Variants in SEC24B observed in about 807,000 individuals in gnomAD.
The protein encoded by SEC24B is protein transport protein Sec24B.
In SEC24B, 45 loss-of-function variants were observed where a neutral mutation model predicts 142.8. The ratio of observed to expected loss-of-function variants is 0.32; its 90% CI spans 0.25 to 0.40. The LOEUF (loss-of-function observed/expected upper bound fraction) is 0.40, where lower values mean the gene tolerates loss of function less well. Ranked by LOEUF, SEC24B falls within the 10% of genes least tolerant of loss-of-function variation. The pLI, the probability that SEC24B is intolerant of heterozygous loss-of-function variation, is 1.00. For synonymous variants in SEC24B, 574 were observed against 568.2 expected (o/e 1.01, Z -0.15); for missense variants, 1,409 against 1,526.8 (o/e 0.92, Z 1.29).
chr4:109,491,315 T>G lies in SEC24B; in HGVS notation c.1166-12T>G. The G allele has an allele frequency of 6.2e-7, 1 of 1,604,720 alleles. No individual in the cohort carries two copies. Among genetic ancestry groups the G allele is most frequent in the African/African-American group, 1.3e-5 (1 of 74,798 alleles). On this transcript the variant is annotated splice_polypyrimidine_tract_variant and intron_variant, in intron 4 of 23. Coordinates refer to ENST00000265175, the MANE Select transcript of SEC24B (RefSeq NM_006323.5). ...ATTTTAAACCTAGTAGATATTTTGG[T>G]TTTCCTTTTAGGTGTTGACAGCTCT...
At chr4:109,505,334 G>A (rs975207107) in intron 6 of SEC24B, among the ~76,000 whole-genome samples, 7 of 152,058 alleles carry the variant, frequency 4.6e-5, no homozygotes, top group African/African-American at 1.4e-4. Flanking sequence ...GGGATATAAC[G>A]TAAGGACAAA....
At chr4:109,525,753 A>AT (rs1306019846) in intron 16 of SEC24B, among the ~76,000 whole-genome samples, 1 of 152,116 alleles carries the variant, frequency 6.6e-6, no homozygotes, top group African/African-American at 2.4e-5. Flanking sequence ...ATTAGAAATG[A>AT]TTTTAGAAGG....
Position 109,506,508 on chromosome 4 carries a change from C to G in SEC24B, c.1669C>G (p.Pro557Ala). 1 of 1,523,630 alleles carries G rather than the reference C, an allele frequency of 6.6e-7. No individual in the cohort carries two copies. Among genetic ancestry groups the G allele is most frequent in the Non-Finnish European group, 8.8e-7 (1 of 1,137,440 alleles). 94.4% of individuals were successfully genotyped at this position (1,523,630 alleles called of 1,614,324 possible). The part of the protein sequence containing the change: ...NADLKKLNCS[P>A]DSFRCTLTNI... The stretch of plus-strand genomic sequence containing the variant: ...AGACCTCAAAAAATTAAACTGTAGC[C>G]CAGAGTAGGTATTTATTTATTTTAT... Residue 557 changes from proline (P) to alanine (A), a missense_variant, in exon 7 of 24, where the codon CCA (proline) becomes GCA (alanine). Around this residue, in one of 2 missense-constraint regions of SEC24B, gnomAD observed 700 missense variants for 853.3 expected, o/e 0.82. Coordinates refer to ENST00000265175, the MANE Select transcript of SEC24B (RefSeq NM_006323.5).
chr4:109,531,647 G>A lies in SEC24B; in HGVS notation c.3390+125G>A, dbSNP rs560464323. On this transcript the variant is annotated intron_variant, in intron 20 of 23. Coordinates refer to ENST00000265175, the MANE Select transcript of SEC24B (RefSeq NM_006323.5). ...TTAACTCTTTTTCCCCCTTGTGGTA[G>A]TAATACATTAAATAAGGACACTGGC... 15 of 649,316 alleles carry A rather than the reference G, an allele frequency of 2.3e-5. No homozygotes were observed. The South Asian group carries it at 3.2e-4, about 14-fold the overall frequency. The allele number at this position is 649,316 out of a possible 1,614,324, so 40.2% of individuals were successfully genotyped here. A position where few individuals can be genotyped will look rare whatever the true frequency, so the allele number is the denominator to read the frequency against.
chr4:109,483,442 G>A (rs1435178734), intron 4 of SEC24B, among the ~76,000 whole-genome samples: 1 of 152,040 alleles, frequency 6.6e-6, no homozygotes, highest in Non-Finnish European at 1.5e-5. Context: ...TGTCATATGA[G>A]GTCAGGTGTG....
At chr4:109,509,864 TAATC>T in intron 7 of SEC24B, 141 bp from the exon 8 acceptor site, 1 of 503,646 alleles carries the variant, frequency 2.0e-6, no homozygotes, top group Non-Finnish European at 3.5e-6. Context: ...CATGCCTAAT[TAATC>T]AGGACCTTCT....
At position 109,539,917 on chromosome 4, in the gene SEC24B, A is replaced by G; in HGVS notation, c.*242A>G. On this transcript the variant is annotated 3_prime_UTR_variant, in exon 24 of 24. Coordinates refer to ENST00000265175, the MANE Select transcript of SEC24B (RefSeq NM_006323.5). ...GTATATTTTGAATTGGTTTCTACAC[A>G]TTTCCAGTAGTATGGCAGTACAGTG... The G allele has an allele frequency of 2.2e-6, 1 of 458,412 alleles. No homozygotes were observed. Among genetic ancestry groups the G allele is most frequent in the Non-Finnish European group, 3.9e-6 (1 of 259,212 alleles). The allele number at this position is 458,412 out of a possible 1,614,324, so 28.4% of individuals were successfully genotyped here.
chr4:109,474,612 A>T (rs775259669), intron 3 of SEC24B, among the ~76,000 whole-genome samples: 1 of 151,828 alleles, frequency 6.6e-6, no homozygotes, highest in East Asian at 1.9e-4. Flanking sequence ...TTTGGTGGAG[A>T]TGGGGTTTTA....
rs186954838 is a variant in SEC24B at position 109,437,898 on chromosome 4, C to A, written c.133+3896C>A. Among the ~76,000 whole-genome samples, 640 of 152,298 alleles carry A rather than the reference C, an allele frequency of 4.2e-3. 2 individuals carry two copies. The highest frequency in any genetic ancestry group is 6.4e-3 in the Non-Finnish European group (435 of 68,020). ...TCGGCCTCCCAGAGTGCTCGGATTACAGACGTGAGCCACCGTGCCTGGCCC... is the reference window on the plus strand; with the variant it reads ...TCGGCCTCCCAGAGTGCTCGGATTAAAGACGTGAGCCACCGTGCCTGGCCC... On this transcript the variant is annotated intron_variant, in intron 1 of 23. Transcript: ENST00000265175.
At chr4:109,525,140 A>AT (rs1724078285) in intron 15 of SEC24B, among the ~76,000 whole-genome samples, 199 bp downstream of exon 15, 1 of 152,124 alleles carries the variant, frequency 6.6e-6, no homozygotes, top group South Asian at 2.1e-4. Context: ...TTTAGATAGC[A>AT]TGATTCCCTT....
intron 11 of SEC24B, among the ~76,000 whole-genome samples, chr4:109,518,274 A>G (rs879634067): frequency 2.0e-5 from 3 of 152,138 alleles, no homozygotes; most frequent in Non-Finnish European, 2.9e-5. Flanking sequence ...CCCCTCATCT[A>G]GCTTTAAAAA....
chr4:109,473,046 C>G lies in SEC24B; in HGVS notation c.920C>G (p.Pro307Arg). 1 of 1,590,836 alleles carries G rather than the reference C, an allele frequency of 6.3e-7. No homozygotes were observed. The highest frequency in any genetic ancestry group is 8.6e-7 in the Non-Finnish European group (1 of 1,169,366). ...TGTCCTGTTATGCAAAATGTTCAGC[C>G]TCCCAAGTCCAGCCCAGTGGTATCC... ...LSCPVMQNVQPPKSSPVVSTV... is the reference protein window; with the variant it reads ...LSCPVMQNVQRPKSSPVVSTV... The change falls in exon 3 of 24, where the codon CCT (proline) becomes CGT (arginine). Residue 307 changes from proline to arginine, a missense_variant. By Grantham distance (103) the Pro-to-Arg change is moderately radical. Transcript: ENST00000265175.
intron 9 of SEC24B, among the ~76,000 whole-genome samples, 167 bp from the exon 10 acceptor site, chr4:109,513,580 C>A (rs1172531912): frequency 6.6e-6 from 1 of 152,198 alleles, no homozygotes; most frequent in African/African-American, 2.4e-5. Context: ...CCGCCCTGAT[C>A]TATTTTTTAA....
chr4:109,476,069 C>T (rs376507134), intron 3 of SEC24B, among the ~76,000 whole-genome samples: 1 of 151,660 alleles, frequency 6.6e-6, no homozygotes, highest in Non-Finnish European at 1.5e-5. Context: ...TCACTGCAGC[C>T]TCTGCCTCCC....
chr4:109,456,871 G>A (rs963048086), intron 1 of SEC24B, among the ~76,000 whole-genome samples: 1 of 152,304 alleles, frequency 6.6e-6, no homozygotes, highest in South Asian at 2.1e-4. Flanking sequence ...TTATACTTCA[G>A]TGTGCAATAA....
At chr4:109,493,937 G>A (rs1434910063) in intron 5 of SEC24B, among the ~76,000 whole-genome samples, 1 of 152,108 alleles carries the variant, frequency 6.6e-6, no homozygotes, top group Non-Finnish European at 1.5e-5. Flanking sequence ...TTTTGCTACT[G>A]CAAATAATGC....
chr4:109,491,317 T>G lies in SEC24B; in HGVS notation c.1166-10T>G. The G allele has an allele frequency of 6.2e-7, 1 of 1,606,668 alleles. No individual in the cohort carries two copies. The highest frequency in any genetic ancestry group is 8.5e-7 in the Non-Finnish European group (1 of 1,175,160). On this transcript the variant is annotated splice_polypyrimidine_tract_variant and intron_variant, in intron 4 of 23. Coordinates refer to ENST00000265175, the MANE Select transcript of SEC24B (RefSeq NM_006323.5). Reference sequence around the variant, plus strand: ...TTTAAACCTAGTAGATATTTTGGTTTTCCTTTTAGGTGTTGACAGCTCTTC... The same window carrying G: ...TTTAAACCTAGTAGATATTTTGGTTGTCCTTTTAGGTGTTGACAGCTCTTC...
chr4:109,540,885 A>C lies in SEC24B; in HGVS notation c.*1210A>C, dbSNP rs1158202269. On this transcript the variant is annotated 3_prime_UTR_variant, in exon 24 of 24. Transcript: ENST00000265175. The stretch of plus-strand genomic sequence containing the variant: ...CAACAGAGTGAGACTCCATCTTAAA[A>C]AAAAAAAAAAAGTAATATATATGAA... 1.3e-5 allele frequency: 2 copies of C among 151,680 alleles called. No homozygotes were observed. Among genetic ancestry groups the C allele is most frequent in the African/African-American group, 4.8e-5 (2 of 41,304 alleles). The allele number at this position is 151,680 out of a possible 1,614,324, so 9.4% of individuals were successfully genotyped here. A position where few individuals can be genotyped will look rare whatever the true frequency, so the allele number is the denominator to read the frequency against.
In SEC24B at chr4:109,525,476, A is replaced by G; in HGVS notation, c.2763A>G (p.Glu921=). The change falls in exon 16 of 24, where the codon GAA becomes GAG. Residue 921 remains glutamate, a synonymous_variant. Coordinates refer to ENST00000265175, the MANE Select transcript of SEC24B (RefSeq NM_006323.5). ...KRYLTRKIGF[E]AVMRIRCTKG... Reference sequence around the variant, plus strand: ...ATCTCACAAGAAAAATTGGGTTTGAAGCTGTTATGAGAATAAGGTGTACTA... The same window carrying G: ...ATCTCACAAGAAAAATTGGGTTTGAGGCTGTTATGAGAATAAGGTGTACTA... 2 of 1,611,080 alleles carry G rather than the reference A, an allele frequency of 1.2e-6. No individual in the cohort carries two copies. Among genetic ancestry groups the G allele is most frequent in the Non-Finnish European group, 1.7e-6 (2 of 1,178,478 alleles).
Sources: allele counts gnomAD v4.1 joint callset (sites outside exome capture counted in the v4.1 genomes callset), GRCh38; gene constraint gnomAD v4.1.1; regional missense constraint gnomAD v4.1.1; transcripts MANE v1.5; gene names NCBI Gene and HGNC (gene_info 2026-07-23, HGNC 2026-07-21).